The following PDE4D variants were observed in gnomAD, a reference collection of about 807,000 sequenced individuals.
The protein encoded by PDE4D is phosphodiesterase 4D.
PDE4D carries 24 observed loss-of-function variants against 87.4 expected under a neutral mutation model. The observed-to-expected ratio is 0.27, with a 90% CI of 0.20 to 0.39. PDE4D has a LOEUF of 0.39. PDE4D is among the 10% of genes least tolerant of loss of function. The pLI is 1.00. For synonymous variants in PDE4D, 384 were observed against 383.2 expected (o/e 1.00, Z -0.02); for missense variants, 714 against 1,041.0 (o/e 0.69, Z 4.32).
At chr5:59,761,733 T>C (rs569682596) in intron 1 of PDE4D, among the ~76,000 whole-genome samples, 22 of 152,258 alleles carry the variant, frequency 1.4e-4, no homozygotes, top group African/African-American at 5.3e-4. Flanking sequence ...TGCCCTCTTC[T>C]AGATACCTCC....
At chr5:60,105,834 G>A (rs1450680419) in intron 2 of PDE4D, among the ~76,000 whole-genome samples, 1 of 151,304 alleles carries the variant, frequency 6.6e-6, no homozygotes, top group Non-Finnish European at 1.5e-5. Context: ...TCACCACCAG[G>A]CCTAAAAGAG....
At chr5:59,074,500 G>C (rs145720684) in intron 5 of PDE4D, among the ~76,000 whole-genome samples, 2,177 of 152,322 alleles carry the variant, frequency 0.014, 32 homozygotes, top group Middle Eastern at 0.068. Flanking sequence ...GCTCACACCT[G>C]TAATCCTAGC....
chr5:59,586,485 T>C (rs1825149249), intron 1 of PDE4D: 3 of 1,402,992 alleles, frequency 2.1e-6, no homozygotes, highest in African/African-American at 1.5e-5. Context: ...TGGGCAATTA[T>C]TGCAACAAGT....
chr5:59,203,446 A>C (rs945576385), intron 2 of PDE4D, among the ~76,000 whole-genome samples: 1 of 152,182 alleles, frequency 6.6e-6, no homozygotes, highest in Non-Finnish European at 1.5e-5. Flanking sequence ...CAAAAAATTA[A>C]GGATAAAACT....
chr5:60,164,957 T>C (rs1249137291), intron 2 of PDE4D, among the ~76,000 whole-genome samples: 1 of 152,162 alleles, frequency 6.6e-6, no homozygotes, highest in Non-Finnish European at 1.5e-5. Context: ...CCATTAACTG[T>C]AGTCACCATG....
intron 2 of PDE4D, among the ~76,000 whole-genome samples, chr5:60,177,514 C>T (rs939340822): frequency 5.9e-5 from 9 of 151,972 alleles, no homozygotes; most frequent in African/African-American, 1.5e-4. Flanking sequence ...AATGAATGTC[C>T]GACAAACAGA....
At position 60,282,799 on chromosome 5, in the gene PDE4D, T is replaced by C. The variant is rs774645246; in HGVS notation, c.-89-97112A>G. 5.9e-4 allele frequency among the ~76,000 whole-genome samples: 90 copies of C among 152,232 alleles called. 1 individual carries two copies. The highest frequency in any genetic ancestry group is 1.6e-3 in the Admixed American group (24 of 15,272). On this transcript the variant is annotated intron_variant, in intron 1 of 16. Transcript: ENST00000502484. ...ACTACATATGAGTTATTTGGAAGCA[T>C]GATATTTAGTGTCCAGATATCTGGG...
intron 1 of PDE4D, among the ~76,000 whole-genome samples, chr5:59,298,531 AC>A (rs1386743790): frequency 6.6e-6 from 1 of 152,188 alleles, no homozygotes; most frequent in Admixed American, 6.5e-5. Context: ...CATAAATGGA[AC>A]TTTGCTTTCC....
chr5:60,382,923 G>C (rs1321977564), intron 1 of PDE4D, among the ~76,000 whole-genome samples: 1 of 152,084 alleles, frequency 6.6e-6, no homozygotes, highest in East Asian at 1.9e-4. Flanking sequence ...TCAAGTTGTT[G>C]AGAAAGTCTT....
chr5:60,067,967 CTGTCAA>C (rs1772291111), intron 2 of PDE4D, among the ~76,000 whole-genome samples: 2 of 152,174 alleles, frequency 1.3e-5, no homozygotes, highest in African/African-American at 4.8e-5. Flanking sequence ...ATCTATTCAT[CTGTCAA>C]TAGACACTTA....
intron 1 of PDE4D, among the ~76,000 whole-genome samples, chr5:59,543,157 C>T (rs948026661): frequency 1.2e-4 from 18 of 152,068 alleles, no homozygotes; most frequent in African/African-American, 2.2e-4. Flanking sequence ...CATCATGAAA[C>T]GACACAGAAA....
intron 1 of PDE4D, among the ~76,000 whole-genome samples, chr5:59,842,815 G>A (rs1462622767): frequency 6.6e-6 from 1 of 151,906 alleles, no homozygotes; most frequent in Non-Finnish European, 1.5e-5. Context: ...AATATAAAGT[G>A]AGTTTCAGTA....
chr5:59,434,585 T>A (rs1313530359), intron 1 of PDE4D, among the ~76,000 whole-genome samples: 1 of 152,108 alleles, frequency 6.6e-6, no homozygotes, highest in Non-Finnish European at 1.5e-5. Context: ...AACTCCCACC[T>A]CTTTATTCAG....
At chr5:60,089,009 A>G (rs560820356) in intron 2 of PDE4D, among the ~76,000 whole-genome samples, 1 of 152,048 alleles carries the variant, frequency 6.6e-6, no homozygotes, top group Non-Finnish European at 1.5e-5. Flanking sequence ...AAACAAACAA[A>G]AAGAGCAGAA....
At chr5:59,071,683 C>T (rs370703126) in intron 5 of PDE4D, among the ~76,000 whole-genome samples, 18 of 82,400 alleles carry the variant, frequency 2.2e-4, no homozygotes, top group Admixed American at 5.9e-4. Context: ...TATTTCTCTT[C>T]TTTTTTTTTT....
At chr5:59,771,477 GA>G (rs745648256) in intron 1 of PDE4D, among the ~76,000 whole-genome samples, 41 of 100,968 alleles carry the variant, frequency 4.1e-4, no homozygotes, top group African/African-American at 8.7e-4. Flanking sequence ...AAGAAAGAAA[GA>G]AAGAAAGAGA....
At chr5:59,732,424 A>ACACACACT (rs1162082425) in intron 1 of PDE4D, among the ~76,000 whole-genome samples, 2 of 151,670 alleles carry the variant, frequency 1.3e-5, no homozygotes, top group Non-Finnish European at 2.9e-5. Flanking sequence ...ACACACACAC[A>ACACACACT]CACTCACTCA....
intron 5 of PDE4D, among the ~76,000 whole-genome samples, chr5:59,065,172 C>T (rs140374057): frequency 3.2e-4 from 48 of 151,476 alleles, no homozygotes; most frequent in Non-Finnish European, 5.4e-4. Context: ...GAAATCCTGT[C>T]ATTTACAACA....
intron 1 of PDE4D, among the ~76,000 whole-genome samples, chr5:60,192,980 G>C (rs953190536): frequency 6.6e-6 from 1 of 152,094 alleles, no homozygotes; most frequent in Non-Finnish European, 1.5e-5. Flanking sequence ...TTGCTATTTC[G>C]TACCCAATGT....
Sources: gnomAD v4.1 joint callset for allele counts (sites outside exome capture counted in the v4.1 genomes callset) on GRCh38, gnomAD v4.1.1 for gene constraint, MANE v1.5 for transcripts, NCBI Gene and HGNC (gene_info 2026-07-23, HGNC 2026-07-21) for gene names.